SCN9A: variants seen among roughly 807,000 people sequenced by gnomAD.
SCN9A encodes sodium channel protein type 9 subunit alpha.
In SCN9A, 131 loss-of-function variants were observed where a neutral mutation model predicts 187.0. The observed-to-expected ratio is 0.70, with a 90% CI of 0.61 to 0.81. The LOEUF (loss-of-function observed/expected upper bound fraction) is 0.81. Among genes scored for constraint, SCN9A ranks in the 30% least tolerant of loss-of-function variants. The pLI is 0.00. For synonymous variants in SCN9A, 809 were observed against 808.6 expected, an observed-to-expected ratio of 1.00 and a Z score of -0.01; for missense variants, 2,252 against 2,396.6, an observed-to-expected ratio of 0.94 and a Z score of 1.26.
chr2:166,275,055 T>C (rs549408124), intron 16 of SCN9A, among the ~76,000 whole-genome samples: 4 of 152,278 alleles, frequency 2.6e-5, no homozygotes, highest in South Asian at 4.1e-4. Flanking sequence ...CCCTAAATAA[T>C]ACCTAAACAA....
At chr2:166,371,208 G>A (rs934744709) in intron 1 of SCN9A, among the ~76,000 whole-genome samples, 1 of 152,168 alleles carries the variant, frequency 6.6e-6, no homozygotes, top group South Asian at 2.1e-4. Flanking sequence ...CTTACAGTAA[G>A]TTGTTATTTT....
At chr2:166,299,212 T>G (rs1239758679) in intron 7 of SCN9A, among the ~76,000 whole-genome samples, 1 of 151,448 alleles carries the variant, frequency 6.6e-6, no homozygotes, top group Admixed American at 6.6e-5. Context: ...CCATATATTT[T>G]TTTAAATGCC....
intron 7 of SCN9A, chr2:166,300,822 T>C (rs1698521766): frequency 6.6e-6 from 1 of 151,042 alleles, no homozygotes; most frequent in Non-Finnish European, 1.5e-5. Context: ...AGATTCATTA[T>C]TAGCTAATTG....
chr2:166,364,018 A>C (rs1020119380), intron 1 of SCN9A, among the ~76,000 whole-genome samples: 19 of 152,266 alleles, frequency 1.2e-4, no homozygotes, highest in African/African-American at 4.6e-4. Flanking sequence ...CAGATTAAAA[A>C]TGAACAAAGG....
intron 21 of SCN9A, among the ~76,000 whole-genome samples, chr2:166,231,103 T>C (rs753492367): frequency 3.9e-5 from 6 of 152,212 alleles, no homozygotes; most frequent in Non-Finnish European, 5.9e-5. Flanking sequence ...TCACCTGTAA[T>C]ACAGATAAAG....
intron 24 of SCN9A, among the ~76,000 whole-genome samples, chr2:166,206,900 G>A (rs1248146049): frequency 6.6e-6 from 1 of 152,034 alleles, no homozygotes; most frequent in African/African-American, 2.4e-5. Context: ...TAGGTACTGA[G>A]GAAGTTATCA....
intron 1 of SCN9A, among the ~76,000 whole-genome samples, chr2:166,325,792 T>G (rs1332072884): frequency 6.6e-6 from 1 of 152,148 alleles, no homozygotes; most frequent in Non-Finnish European, 1.5e-5. Context: ...TTTACTGAGC[T>G]CTGAACACCT....
At chr2:166,229,949 G>A (rs1574763989) in intron 21 of SCN9A, among the ~76,000 whole-genome samples, 2 of 152,310 alleles carry the variant, frequency 1.3e-5, no homozygotes. Flanking sequence ...TGTTAGGGAA[G>A]GAGCACTGGG....
rs542161487 is a variant in SCN9A at position 166,280,327 on chromosome 2, T to A, written c.2343+30A>T. ...TGATGACAACTAAAAAGAGAAACTA[T>A]GAGTACATAACACACAATAAGAGAC... On this transcript the variant is annotated intron_variant, in intron 14 of 26. Transcript: ENST00000642356. 4.4e-5 allele frequency: 52 copies of A among 1,190,818 alleles called. 1 individual carries two copies. The Middle Eastern group carries it at 6.5e-4, about 15-fold the overall frequency. The allele number at this position is 1,190,818 out of a possible 1,614,324, so 73.8% of individuals were successfully genotyped here.
intron 9 of SCN9A, among the ~76,000 whole-genome samples, chr2:166,291,129 G>A (rs373407481): frequency 2.0e-5 from 3 of 152,184 alleles, no homozygotes; most frequent in Admixed American, 1.3e-4. Flanking sequence ...TAGGAAGACC[G>A]GAAGTCAAAT....
chr2:166,292,557 A>C (rs1395438305), intron 9 of SCN9A, among the ~76,000 whole-genome samples: 1 of 152,176 alleles, frequency 6.6e-6, no homozygotes, highest in Non-Finnish European at 1.5e-5. Flanking sequence ...TATTCTGAGA[A>C]AAGTGAATCA....
At chr2:166,314,000 G>A (rs1277392275) in intron 1 of SCN9A, among the ~76,000 whole-genome samples, 4 of 152,126 alleles carry the variant, frequency 2.6e-5, no homozygotes, top group Non-Finnish European at 2.9e-5. Flanking sequence ...AACAGAACAC[G>A]TCACATTTAA....
In SCN9A at chr2:166,340,570, CTT is replaced by C. The variant is rs1172888395; in HGVS notation, c.-50-28766_-50-28765del. On this transcript the variant is annotated intron_variant, in intron 1 of 26. Coordinates refer to ENST00000642356, the MANE Select transcript of SCN9A (RefSeq NM_001365536.1). Reference sequence around the variant, plus strand: ...TCTTTCTTTCTTTCTTTCTTTCTTTCTTTCTTTCTTTCTTTCTTTCTTTCTTT... The same window carrying C: ...TCTTTCTTTCTTTCTTTCTTTCTTTCTCTTTCTTTCTTTCTTTCTTTCTTT... Among the ~76,000 whole-genome samples, 126 of 63,702 alleles carry C rather than the reference CTT, an allele frequency of 2.0e-3. 3 individuals are homozygous for C. Among genetic ancestry groups the C allele is most frequent in the African/African-American group, 0.012 (100 of 8,438 alleles). The allele number at this position is 63,702 out of a possible 152,430, so 41.8% of individuals were successfully genotyped here. A position where few individuals can be genotyped will look rare whatever the true frequency, so the allele number is the denominator to read the frequency against.
At chr2:166,329,151 A>T (rs1382655600) in intron 1 of SCN9A, among the ~76,000 whole-genome samples, 1 of 152,184 alleles carries the variant, frequency 6.6e-6, no homozygotes, top group Non-Finnish European at 1.5e-5. Context: ...TTAATTTTTT[A>T]AAATGCCATC....
chr2:166,349,126 AAAACAAACAAAC>A (rs150473901), intron 1 of SCN9A, among the ~76,000 whole-genome samples: 9 of 150,374 alleles, frequency 6.0e-5, no homozygotes, highest in South Asian at 2.1e-4. Flanking sequence ...AAACTCCGTC[AAAACAAACAAAC>A]AAACAAACAA....
At chr2:166,206,431 G>T (rs1351960623) in intron 24 of SCN9A, among the ~76,000 whole-genome samples, 1 of 152,112 alleles carries the variant, frequency 6.6e-6, no homozygotes, top group African/African-American at 2.4e-5. Context: ...ACCAAACTCT[G>T]CATGTTCTCA....
At chr2:166,350,787 A>C (rs2105297945) in intron 1 of SCN9A, among the ~76,000 whole-genome samples, 1 of 152,322 alleles carries the variant, frequency 6.6e-6, no homozygotes, top group African/African-American at 2.4e-5. Context: ...CTCAAAAAGA[A>C]CATTTTAAGT....
Position 166,286,446 on chromosome 2 carries a change from C to G in SCN9A, c.1492G>C (p.Glu498Gln). 1 of 1,613,934 alleles carries G rather than the reference C, an allele frequency of 6.2e-7. No homozygotes were observed. Among genetic ancestry groups the G allele is most frequent in the South Asian group, 1.1e-5 (1 of 91,074 alleles). ...TCTGATTCTGATTTCGACAATTTCT[C>G]AGCATCTCCCTTTTCCTCTCCACTG... is the stretch of plus-strand genomic sequence containing the variant. ...LSSGEEKGDA[E>Q]KLSKSESEDS... is the part of the protein sequence containing the mutation. Residue 498 changes from glutamate (E) to glutamine (Q), a missense_variant, in exon 11 of 27, where the codon GAG becomes CAG. Coordinates refer to ENST00000642356, the MANE Select transcript of SCN9A (RefSeq NM_001365536.1).
In SCN9A at chr2:166,239,221, T is replaced by TAAAAAAAAAAAAAAAAAAA. The variant is rs1558974298; in HGVS notation, c.3628-955_3628-954insTTTTTTTTTTTTTTTTTTT. Among the ~76,000 whole-genome samples the TAAAAAAAAAAAAAAAAAAA allele has an allele frequency of 3.1e-5, 4 of 130,082 alleles. 1 individual carries two copies. Among genetic ancestry groups the TAAAAAAAAAAAAAAAAAAA allele is most frequent in the African/African-American group, 2.9e-5 (1 of 34,450 alleles). 85.3% of individuals were successfully genotyped at this position (130,082 alleles called of 152,430 possible). On this transcript the variant is annotated intron_variant, in intron 19 of 26. Transcript: ENST00000642356. ...CTGGGCAACAGAGCAAGACTCTGTCTCAAAAAAAAAAAAAAAAAAAAGGCT... is the reference window on the plus strand; with the variant it reads ...CTGGGCAACAGAGCAAGACTCTGTCTAAAAAAAAAAAAAAAAAAACAAAAAAAAAAAAAAAAAAAAGGCT...
Sources: allele counts gnomAD v4.1 joint callset (sites outside exome capture counted in the v4.1 genomes callset), GRCh38; gene constraint gnomAD v4.1.1; transcripts MANE v1.5; gene names NCBI Gene and HGNC (gene_info 2026-07-23, HGNC 2026-07-21).